Variants in CDH11 observed in about 807,000 individuals in gnomAD.
CDH11 encodes the protein cadherin-11.
Under a neutral mutation model 67.8 loss-of-function variants are expected in CDH11, and 11 were observed. The observed-to-expected ratio is 0.16, with a 90% CI of 0.10 to 0.27. CDH11 has a LOEUF of 0.27. Among genes scored for constraint, CDH11 ranks in the 10% least tolerant of loss-of-function variants. CDH11 has a pLI of 1.00. For synonymous variants in CDH11, 419 were observed against 400.0 expected, an observed-to-expected ratio of 1.05 and a Z score of -0.57; for missense variants, 847 against 1,031.2, an observed-to-expected ratio of 0.82 and a Z score of 2.45.
chr16:65,089,745 T>C (rs570378330), intron 1 of CDH11, among the ~76,000 whole-genome samples: 1 of 152,298 alleles, frequency 6.6e-6, no homozygotes, highest in South Asian at 2.1e-4. Context: ...TAAATTACCA[T>C]ACACAAAACA....
chr16:64,949,873 C>T (rs904756703), intron 12 of CDH11, among the ~76,000 whole-genome samples: 1 of 152,158 alleles, frequency 6.6e-6, no homozygotes, highest in African/African-American at 2.4e-5. Context: ...TTCTCTTTAT[C>T]CCCCAGGACC....
At chr16:65,120,421 T>C (rs1196875730) in intron 1 of CDH11, among the ~76,000 whole-genome samples, 2 of 152,116 alleles carry the variant, frequency 1.3e-5, no homozygotes, top group Non-Finnish European at 2.9e-5. Flanking sequence ...GTAGCCTCCC[T>C]GTGATTAAAA....
Position 64,945,790 on chromosome 16 carries a change from T to C in CDH11, c.*1813A>G, listed in dbSNP as rs1300125874. 1 of 1,045,108 alleles carries C rather than the reference T, an allele frequency of 9.6e-7. No homozygotes were observed. The highest frequency in any genetic ancestry group is 1.2e-6 in the Non-Finnish European group (1 of 866,344). The allele number at this position is 1,045,108 out of a possible 1,614,324, so 64.7% of individuals were successfully genotyped here. A position where few individuals can be genotyped will look rare whatever the true frequency, so the allele number is the denominator to read the frequency against. On this transcript the variant is annotated 3_prime_UTR_variant, in exon 13 of 13. Transcript: ENST00000268603. ...ATGCATGTTGACTAAATCATAAAAA[T>C]AGTACATAACATGATATCAAGAAAT...
chr16:64,947,304 C>A lies in CDH11; in HGVS notation c.*299G>T. The A allele has an allele frequency of 1.7e-6, 2 of 1,169,088 alleles. No individual in the cohort carries two copies. Among genetic ancestry groups the A allele is most frequent in the Middle Eastern group, 3.6e-4 (1 of 2,770 alleles). The allele number at this position is 1,169,088 out of a possible 1,614,324, so 72.4% of individuals were successfully genotyped here. A position where few individuals can be genotyped will look rare whatever the true frequency, so the allele number is the denominator to read the frequency against. On this transcript the variant is annotated 3_prime_UTR_variant, in exon 13 of 13. Coordinates refer to ENST00000268603, the MANE Select transcript of CDH11 (RefSeq NM_001797.4). ...ATGTTCATAACACATAAACAATTTC[C>A]CTTCATTGTCAGTTCAGCGTTAGAC...
intron 2 of CDH11, among the ~76,000 whole-genome samples, chr16:65,027,399 C>G (rs1229744395): frequency 6.6e-6 from 1 of 152,176 alleles, no homozygotes; most frequent in African/African-American, 2.4e-5. Context: ...GCTCAGGGAT[C>G]TTACATACCA....
chr16:64,980,661 G>A (rs2072309508), intron 8 of CDH11, among the ~76,000 whole-genome samples: 1 of 152,294 alleles, frequency 6.6e-6, no homozygotes, highest in Admixed American at 6.5e-5. Flanking sequence ...CTAAGTGAAT[G>A]AGGTTAGATT....
intron 1 of CDH11, among the ~76,000 whole-genome samples, chr16:65,100,663 A>G (rs2074975071): frequency 6.7e-6 from 1 of 150,138 alleles, no homozygotes; most frequent in African/African-American, 2.4e-5. Flanking sequence ...ACGTGAACCC[A>G]GGAGGTGGAG....
At chr16:64,977,124 A>G (rs2072194157) in intron 8 of CDH11, among the ~76,000 whole-genome samples, 1 of 152,082 alleles carries the variant, frequency 6.6e-6, no homozygotes, top group Admixed American at 6.5e-5. Flanking sequence ...ACCTGAGCGC[A>G]GGGAGCTCAA....
chr16:64,981,370 G>A (rs749410687), intron 8 of CDH11: 1 of 151,980 alleles, frequency 6.6e-6, no homozygotes, highest in Non-Finnish European at 1.5e-5. Flanking sequence ...CCTTCCCAAA[G>A]TGATGAGATT....
At chr16:65,098,472 T>C (rs182526471) in intron 1 of CDH11, among the ~76,000 whole-genome samples, 7 of 152,278 alleles carry the variant, frequency 4.6e-5, no homozygotes, top group African/African-American at 1.7e-4. Context: ...CCCTCATTTG[T>C]CTATGAGATG....
chr16:65,123,728 G>C (rs1400949447), upstream of CDH11: 1 of 152,468 alleles, frequency 6.6e-6, no homozygotes, highest in Non-Finnish European at 1.5e-5. Context: ...TCCGGGTGGC[G>C]CTGCGTGCCT....
chr16:65,058,080 G>T (rs928251603), intron 1 of CDH11, among the ~76,000 whole-genome samples: 1 of 152,078 alleles, frequency 6.6e-6, no homozygotes, highest in Non-Finnish European at 1.5e-5. Flanking sequence ...AAAATTAGCT[G>T]GGTGTGGTGG....
chr16:65,001,628 T>C (rs1218120318), intron 3 of CDH11, among the ~76,000 whole-genome samples: 2 of 152,224 alleles, frequency 1.3e-5, no homozygotes, highest in Non-Finnish European at 2.9e-5. Context: ...ATCTATTTCA[T>C]GATCAGCCAA....
At chr16:65,106,785 G>A (rs2075073566) in intron 1 of CDH11, among the ~76,000 whole-genome samples, 1 of 152,230 alleles carries the variant, frequency 6.6e-6, no homozygotes, top group Middle Eastern at 3.4e-3. Flanking sequence ...TCTCAGGAGA[G>A]AACATGGATC....
chr16:65,084,102 T>A (rs2074656600), intron 1 of CDH11, among the ~76,000 whole-genome samples: 1 of 152,186 alleles, frequency 6.6e-6, no homozygotes, highest in Non-Finnish European at 1.5e-5. Flanking sequence ...TGCCAATAAG[T>A]GCTGAAGTTG....
chr16:65,092,703 G>T lies in CDH11; in HGVS notation c.-298+29177C>A, dbSNP rs893130232. ...CTCTTGCAACTCAGCTCAAATCACAGGTTCCTTGTCTCACCCATGAACAGA... is the reference window on the plus strand; with the variant it reads ...CTCTTGCAACTCAGCTCAAATCACATGTTCCTTGTCTCACCCATGAACAGA... On this transcript the variant is annotated intron_variant, in intron 1 of 12. Coordinates refer to ENST00000268603, the MANE Select transcript of CDH11 (RefSeq NM_001797.4). 3.3e-5 allele frequency among the ~76,000 whole-genome samples: 5 copies of T among 151,690 alleles called. No homozygotes were observed. In the East Asian group the frequency reaches 9.8e-4, roughly 30 times the overall value.
At chr16:65,009,666 G>A (rs1442198715) in intron 2 of CDH11, among the ~76,000 whole-genome samples, 1 of 152,162 alleles carries the variant, frequency 6.6e-6, no homozygotes, top group African/African-American at 2.4e-5. Context: ...CCCCAAGGTA[G>A]TTCTTGAACA....
At chr16:64,999,258 C>T (rs2072853654) in intron 3 of CDH11, among the ~76,000 whole-genome samples, 3 of 152,034 alleles carry the variant, frequency 2.0e-5, no homozygotes, top group African/African-American at 7.2e-5. Flanking sequence ...ACTCCCATTC[C>T]TTCATTTTCT....
intron 1 of CDH11, among the ~76,000 whole-genome samples, chr16:65,111,228 C>T (rs184751282): frequency 1.2e-4 from 19 of 152,278 alleles, no homozygotes; most frequent in African/African-American, 4.3e-4. Context: ...CAACTCCATG[C>T]CATGAGCTGT....
Sources: gnomAD v4.1 joint callset for allele counts (sites outside exome capture counted in the v4.1 genomes callset) on GRCh38, gnomAD v4.1.1 for gene constraint, MANE v1.5 for transcripts, NCBI Gene and HGNC (gene_info 2026-07-23, HGNC 2026-07-21) for gene names.